TDRD7: variants seen among roughly 807,000 people sequenced by gnomAD.
TDRD7 encodes tudor domain-containing protein 7.
TDRD7 carries 47 observed loss-of-function variants against 109.8 expected under a neutral mutation model. The observed-to-expected ratio is 0.43, with a 90% CI of 0.34 to 0.55. The LOEUF (loss-of-function observed/expected upper bound fraction) is 0.55, where lower values mean the gene tolerates loss of function less well. Among genes scored for constraint, TDRD7 ranks in the 20% least tolerant of loss-of-function variants. The probability of loss-of-function intolerance (pLI) is 0.03; values close to 1 mark genes in which losing one functional copy is unlikely to be tolerated. For synonymous variants in TDRD7, 424 were observed against 457.3 expected, an observed-to-expected ratio of 0.93 and a Z score of 0.93; for missense variants, 1,164 against 1,319.2, an observed-to-expected ratio of 0.88 and a Z score of 1.82.
At chr9:97,420,564 C>T (rs1020417419) in intron 1 of TDRD7, among the ~76,000 whole-genome samples, 8 of 152,130 alleles carry the variant, frequency 5.3e-5, no homozygotes, top group Non-Finnish European at 1.5e-5. Context: ...CCAGCTTTTT[C>T]CTTTAGCATA....
rs1278928773 is a variant in TDRD7, at chr9:97,460,428, A to G, written c.1106A>G (p.Tyr369Cys). 1.2e-6 allele frequency: 2 copies of G among 1,614,238 alleles called. No homozygotes were observed. Among genetic ancestry groups the G allele is most frequent in the South Asian group, 2.2e-5 (2 of 91,088 alleles). The change falls in exon 7 of 17, where the codon TAC (tyrosine) becomes TGC (cysteine). Residue 369 changes from tyrosine to cysteine, a missense_variant. Physicochemically the swap from Tyr to Cys is radical, Grantham distance 194. This residue lies in a region of TDRD7 where 407 missense variants were observed against 394.0 expected (regional missense o/e 1.03). Transcript: ENST00000355295. ...SALPKAFEEM[Y>C]KVKFPEDALK... ...CTTCCGAAAGCATTTGAGGAAATGT[A>G]CAAAGTGAAATTCCCTGAGGATGCC... is the stretch of plus-strand genomic sequence containing the variant.
At chr9:97,424,859 CT>C (rs200159289) in intron 1 of TDRD7, among the ~76,000 whole-genome samples, 51 of 151,532 alleles carry the variant, frequency 3.4e-4, no homozygotes, top group Admixed American at 2.8e-3. Context: ...TTTTTTTCTC[CT>C]TTTTCCTGTC....
intron 9 of TDRD7, 48 bp downstream of exon 9, chr9:97,470,717 C>A: frequency 1.4e-6 from 2 of 1,387,682 alleles, no homozygotes; most frequent in Non-Finnish European, 2.0e-6. Flanking sequence ...TAGGCTATTA[C>A]CACTGTACAT....
chr9:97,460,869 CGGT>C, intron 7 of TDRD7, 105 bp downstream of exon 7: 1 of 1,071,150 alleles, frequency 9.3e-7, no homozygotes. Context: ...TGGCCGGGTG[CGGT>C]GGCTCACACC....
chr9:97,477,484 TTTAGG>T (rs1829042962), intron 12 of TDRD7, among the ~76,000 whole-genome samples: 1 of 152,228 alleles, frequency 6.6e-6, no homozygotes, highest in East Asian at 1.9e-4. Context: ...CATGTTTAAA[TTTAGG>T]TTATGCATTT....
chr9:97,424,049 C>CTTTTTT (rs56369544), intron 1 of TDRD7, among the ~76,000 whole-genome samples: 12 of 48,858 alleles, frequency 2.5e-4, no homozygotes, highest in Non-Finnish European at 3.4e-4. Context: ...CTTTTATATT[C>CTTTTTT]TTTTTTTTTT....
intron 16 of TDRD7, among the ~76,000 whole-genome samples, chr9:97,489,370 A>G (rs1458710765): frequency 6.6e-6 from 1 of 152,072 alleles, no homozygotes; most frequent in African/African-American, 2.4e-5. Context: ...CGTCTTGGAG[A>G]ATTGACCCCT....
intron 1 of TDRD7, among the ~76,000 whole-genome samples, chr9:97,422,395 CA>C (rs368318816): frequency 8.2e-5 from 12 of 146,792 alleles, no homozygotes; most frequent in Admixed American, 2.0e-4. Flanking sequence ...GACCCTGTCT[CA>C]AAAAAAAAAA....
chr9:97,437,628 G>A (rs1327635575), intron 4 of TDRD7, among the ~76,000 whole-genome samples: 2 of 152,078 alleles, frequency 1.3e-5, no homozygotes, highest in South Asian at 2.1e-4. Flanking sequence ...TACTTACCAC[G>A]GTCCGTTTCT....
intron 5 of TDRD7, among the ~76,000 whole-genome samples, chr9:97,439,593 C>T (rs1180230267): frequency 6.6e-6 from 1 of 152,170 alleles, no homozygotes; most frequent in Admixed American, 6.5e-5. Flanking sequence ...TGCTTGTGTC[C>T]CTTACTCTCT....
intron 4 of TDRD7, among the ~76,000 whole-genome samples, chr9:97,433,679 A>G (rs987843666): frequency 6.6e-6 from 1 of 152,084 alleles, no homozygotes; most frequent in Non-Finnish European, 1.5e-5. Context: ...AAAACAACCT[A>G]ATTTTAAAAA....
intron 1 of TDRD7, among the ~76,000 whole-genome samples, chr9:97,414,313 C>T (rs1827776611): frequency 6.6e-6 from 1 of 152,200 alleles, no homozygotes; most frequent in African/African-American, 2.4e-5. Context: ...CCAATCAGAA[C>T]TTGATCAGTG....
intron 1 of TDRD7, among the ~76,000 whole-genome samples, chr9:97,424,384 T>C (rs1827951674): frequency 1.3e-5 from 2 of 152,122 alleles, no homozygotes; most frequent in Non-Finnish European, 2.9e-5. Flanking sequence ...CTGATTTTAT[T>C]TTTTTGATCT....
chr9:97,461,311 T>C (rs1394973678), intron 7 of TDRD7, among the ~76,000 whole-genome samples: 1 of 152,174 alleles, frequency 6.6e-6, no homozygotes, highest in African/African-American at 2.4e-5. Context: ...TGTCAAAAGC[T>C]TGTTGGTAAC....
At chr9:97,453,111 G>A (rs1828528178) in intron 6 of TDRD7, among the ~76,000 whole-genome samples, 1 of 152,160 alleles carries the variant, frequency 6.6e-6, no homozygotes, top group South Asian at 2.1e-4. Context: ...GGGGGATGGG[G>A]CTTAGGAAGT....
intron 6 of TDRD7, among the ~76,000 whole-genome samples, chr9:97,450,069 T>C (rs902429140): frequency 1.3e-5 from 2 of 151,942 alleles, no homozygotes; most frequent in African/African-American, 4.8e-5. Flanking sequence ...TAAGGCGTAT[T>C]AGGTACAGCA....
At chr9:97,478,758 A>AT in intron 13 of TDRD7, 185 bp downstream of exon 13, 3 of 734,624 alleles carry the variant, frequency 4.1e-6, no homozygotes. Context: ...GACCAGTCAT[A>AT]TTTACATACT....
intron 8 of TDRD7, among the ~76,000 whole-genome samples, chr9:97,466,494 A>G (rs932693983): frequency 6.6e-6 from 1 of 152,230 alleles, no homozygotes; most frequent in African/African-American, 2.4e-5. Context: ...TTGTACATAC[A>G]TGTGTGTTGC....
chr9:97,482,132 C>G (rs1267393017), intron 14 of TDRD7, among the ~76,000 whole-genome samples: 1 of 152,154 alleles, frequency 6.6e-6, no homozygotes, highest in Non-Finnish European at 1.5e-5. Flanking sequence ...TATGATATTT[C>G]CATACAAACA....
Sources: gnomAD v4.1 joint callset for allele counts (sites outside exome capture counted in the v4.1 genomes callset) on GRCh38, gnomAD v4.1.1 for gene constraint, gnomAD v4.1.1 regional missense constraint, MANE v1.5 for transcripts, NCBI Gene and HGNC (gene_info 2026-07-23, HGNC 2026-07-21) for gene names.